PCDHA2: variants seen among roughly 807,000 people sequenced by gnomAD.
PCDHA2 encodes the protein protocadherin alpha-2.
Under a neutral mutation model 66.0 loss-of-function variants are expected in PCDHA2, and 58 were observed. The ratio of observed to expected loss-of-function variants is 0.88; its 90% CI spans 0.71 to 1.09. PCDHA2 has a LOEUF of 1.09. PCDHA2 is among the 50% of genes least tolerant of loss of function. The pLI is 0.00. For missense variants in PCDHA2, 1,267 were observed against 1,242.3 expected (o/e 1.02, Z -0.30); for synonymous variants, 634 against 554.0 (o/e 1.14, Z -2.03).
chr5:140,875,808 G>A (rs1554167962), intron 1 of PCDHA2: 1 of 1,614,226 alleles, frequency 6.2e-7, no homozygotes, highest in South Asian at 1.1e-5. Flanking sequence ...TCGTGGACAG[G>A]CCGCTGCAGG....
intron 1 of PCDHA2, chr5:140,829,205 A>C (rs2150163875): frequency 6.2e-7 from 1 of 1,614,212 alleles, no homozygotes; most frequent in Non-Finnish European, 8.5e-7. Flanking sequence ...CATCGCCCTA[A>C]TTAGCGTGAA....
chr5:140,842,093 G>A lies in PCDHA2; in HGVS notation c.2388+44741G>A, dbSNP rs145495287. On this transcript the variant is annotated intron_variant, in intron 1 of 3. Coordinates refer to ENST00000526136, the MANE Select transcript of PCDHA2 (RefSeq NM_018905.3). ...AAGAATATTCGAAAACGCAGACAAC[G>A]GAACAACAGTTATCAAACTGAATGC... The A allele has an allele frequency of 1.2e-5, 20 of 1,613,732 alleles. No homozygotes were observed. In the African/African-American group the frequency reaches 2.4e-4, roughly 19 times the overall value.
intron 1 of PCDHA2, among the ~76,000 whole-genome samples, chr5:140,846,965 G>T (rs1780782789): frequency 6.7e-6 from 1 of 149,528 alleles, no homozygotes; most frequent in South Asian, 2.1e-4. Flanking sequence ...TGTTTCAGTG[G>T]TTTTAAAATA....
At chr5:140,984,228 G>A (rs374551349) in intron 3 of PCDHA2, among the ~76,000 whole-genome samples, 180 of 152,262 alleles carry the variant, frequency 1.2e-3, no homozygotes, top group African/African-American at 4.0e-3. Context: ...TTGCTCTTAT[G>A]GAGGCATTGT....
chr5:140,932,088 T>G (rs2088018403), intron 1 of PCDHA2, among the ~76,000 whole-genome samples: 1 of 151,932 alleles, frequency 6.6e-6, no homozygotes, highest in Non-Finnish European at 1.5e-5. Context: ...CAGGAAAACA[T>G]GGTTTTTATC....
intron 3 of PCDHA2, among the ~76,000 whole-genome samples, chr5:141,007,475 C>G (rs575810038): frequency 1.3e-5 from 2 of 151,322 alleles, no homozygotes; most frequent in Non-Finnish European, 2.9e-5. Context: ...GGCTGAGGCA[C>G]GAGAATTACT....
At chr5:140,807,736 A>G (rs1764020545) in intron 1 of PCDHA2, 1 of 1,614,186 alleles carries the variant, frequency 6.2e-7, no homozygotes, top group African/African-American at 1.3e-5. Flanking sequence ...TGGAAAAACC[A>G]CCTGATGACG....
intron 1 of PCDHA2, chr5:140,849,420 G>A: frequency 6.4e-7 from 1 of 1,572,968 alleles, no homozygotes; most frequent in Non-Finnish European, 8.7e-7. Context: ...AGGACATATG[G>A]ATTTTGAAGA....
chr5:140,823,140 G>C (rs373077783), intron 1 of PCDHA2: 64 of 1,614,000 alleles, frequency 4.0e-5, no homozygotes, highest in Non-Finnish European at 5.3e-5. Context: ...CGGCGTTCGC[G>C]CAGCCCCAGT....
intron 1 of PCDHA2, among the ~76,000 whole-genome samples, chr5:140,872,956 T>C (rs2054003251): frequency 6.6e-6 from 1 of 152,228 alleles, no homozygotes; most frequent in Admixed American, 6.5e-5. Context: ...CCACGTAGTA[T>C]CATCCCATCT....
In PCDHA2 at chr5:140,796,192, G is replaced by A; in HGVS notation, c.1228G>A (p.Asp410Asn). The change falls in exon 1 of 4, where the codon GAC becomes AAC. Residue 410 changes from aspartate (D) to asparagine (N), a missense_variant. Coordinates refer to ENST00000526136, the MANE Select transcript of PCDHA2 (RefSeq NM_018905.3). ...TFKNYYSLVL[D>N]SALDRESVSA... ...CAAGAATTACTACTCGTTGGTGCTG[G>A]ACAGCGCCCTGGACCGCGAGAGCGT... is the stretch of plus-strand genomic sequence containing the variant. The A allele has an allele frequency of 6.2e-7, 1 of 1,614,202 alleles. No individual in the cohort carries two copies. The highest frequency in any genetic ancestry group is 1.3e-5 in the African/African-American group (1 of 75,056).
chr5:140,910,058 T>A (rs571957156), intron 1 of PCDHA2, among the ~76,000 whole-genome samples: 5 of 152,344 alleles, frequency 3.3e-5, no homozygotes, highest in African/African-American at 9.6e-5. Flanking sequence ...TAAGTGATCT[T>A]TTAACAGCGT....
intron 1 of PCDHA2, chr5:140,849,157 A>T: frequency 8.3e-7 from 1 of 1,209,676 alleles, no homozygotes; most frequent in Non-Finnish European, 1.1e-6. Flanking sequence ...GGCAAACCCG[A>T]GCTGACTGGC....
At chr5:140,982,439 G>T in intron 2 of PCDHA2, 36 bp from the exon 3 acceptor site, 1 of 1,613,560 alleles carries the variant, frequency 6.2e-7, no homozygotes, top group Non-Finnish European at 8.5e-7. Context: ...AAGAATTTAT[G>T]ATCTAACCGT....
chr5:140,969,147 A>G (rs781909774), intron 1 of PCDHA2: 1 of 1,614,172 alleles, frequency 6.2e-7, no homozygotes, highest in Non-Finnish European at 8.5e-7. Flanking sequence ...TACTGCTACA[A>G]GGCCTGTCTG....
intron 1 of PCDHA2, among the ~76,000 whole-genome samples, chr5:140,950,612 T>A (rs2094502401): frequency 6.6e-6 from 1 of 152,072 alleles, no homozygotes; most frequent in Non-Finnish European, 1.5e-5. Flanking sequence ...ATGATGTGCT[T>A]ATTTATGCTT....
At chr5:140,870,243 C>T (rs782592982) in intron 1 of PCDHA2, 1 of 1,614,178 alleles carries the variant, frequency 6.2e-7, no homozygotes, top group South Asian at 1.1e-5. Flanking sequence ...ACTCAGGTGT[C>T]AACGGACAGG....
intron 1 of PCDHA2, among the ~76,000 whole-genome samples, chr5:140,919,297 G>C (rs1351756549): frequency 6.6e-6 from 1 of 152,120 alleles, no homozygotes; most frequent in African/African-American, 2.4e-5. Context: ...GTTGCTGTTT[G>C]TACAATATAT....
intron 1 of PCDHA2, among the ~76,000 whole-genome samples, chr5:140,897,778 TG>T (rs1385536315): frequency 6.6e-6 from 1 of 152,208 alleles, no homozygotes; most frequent in Non-Finnish European, 1.5e-5. Flanking sequence ...ACTTCCACAA[TG>T]GTTGAACTAG....
Sources: allele counts gnomAD v4.1 joint callset (sites outside exome capture counted in the v4.1 genomes callset), GRCh38; gene constraint gnomAD v4.1.1; transcripts MANE v1.5; gene names NCBI Gene and HGNC (gene_info 2026-07-23, HGNC 2026-07-21).